WDR1: variants seen among roughly 807,000 people sequenced by gnomAD.
WDR1 encodes WD repeat domain 1.
A neutral mutation model predicts 71.9 loss-of-function variants in WDR1; 21 were observed. That is an observed-to-expected ratio of 0.29 (90% CI 0.21 to 0.42). The LOEUF is 0.42. Ranked by LOEUF, WDR1 falls within the 10% of genes least tolerant of loss-of-function variation. The pLI is 1.00. For synonymous variants in WDR1, 424 were observed against 347.4 expected (o/e 1.22, Z -2.45); for missense variants, 696 against 824.5 (o/e 0.84, Z 1.91).
At chr4:10,085,739 T>C (rs1765183997) in intron 8 of WDR1, among the ~76,000 whole-genome samples, 1 of 152,218 alleles carries the variant, frequency 6.6e-6, no homozygotes, top group Non-Finnish European at 1.5e-5. Context: ...TCTGGGGGCG[T>C]CAGCAGCCAG....
intron 5 of WDR1, among the ~76,000 whole-genome samples, chr4:10,089,843 T>C (rs948304602): frequency 2.0e-5 from 3 of 152,238 alleles, no homozygotes; most frequent in Non-Finnish European, 2.9e-5. Context: ...GATTGTGTAA[T>C]GTTTTCAGTT....
chr4:10,089,823 G>A (rs1711848198), intron 5 of WDR1, among the ~76,000 whole-genome samples: 1 of 152,230 alleles, frequency 6.6e-6, no homozygotes, highest in South Asian at 2.1e-4. Flanking sequence ...TGGGGGACCT[G>A]CCTGTGTTTG....
chr4:10,107,421 C>G (rs576185380), intron 2 of WDR1, among the ~76,000 whole-genome samples: 1 of 152,314 alleles, frequency 6.6e-6, no homozygotes, highest in African/African-American at 2.4e-5. Flanking sequence ...CGGTAGTCTT[C>G]AAATCCCGAC....
chr4:10,094,998 T>G (rs1712238344), intron 5 of WDR1: 1 of 152,306 alleles, frequency 6.6e-6, no homozygotes, highest in South Asian at 2.1e-4. Context: ...CCTGGGTAAC[T>G]AGGGAAGCAC....
At chr4:10,110,246 C>A (rs544956964) in intron 2 of WDR1, among the ~76,000 whole-genome samples, 1 of 152,172 alleles carries the variant, frequency 6.6e-6, no homozygotes, top group African/African-American at 2.4e-5. Flanking sequence ...ATCACTGAGA[C>A]GGCGAAGAGA....
chr4:10,115,228 T>A (rs12501855), intron 2 of WDR1, among the ~76,000 whole-genome samples: 1 of 152,052 alleles, frequency 6.6e-6, no homozygotes, highest in Non-Finnish European at 1.5e-5. Context: ...TCACTCAGGC[T>A]GAGGAAGGGA....
chr4:10,087,655 G>A, intron 8 of WDR1, 52 bp downstream of exon 8: 1 of 1,502,532 alleles, frequency 6.7e-7, no homozygotes, highest in Non-Finnish European at 8.9e-7. Flanking sequence ...GGCCACTCTG[G>A]TCTCTTCCCT....
chr4:10,103,802 C>CCCCCCCCCCCA, intron 3 of WDR1, 94 bp downstream of exon 3: 2 of 710,064 alleles, frequency 2.8e-6, no homozygotes, highest in Non-Finnish European at 2.2e-6. Flanking sequence ...TCCCTCCTCC[C>CCCCCCCCCCCA]ACTCTCCCAA....
At chr4:10,100,768 G>C (rs538143178) in intron 3 of WDR1, among the ~76,000 whole-genome samples, 3 of 152,354 alleles carry the variant, frequency 2.0e-5, no homozygotes, top group South Asian at 2.1e-4. Flanking sequence ...AACAGGCCGG[G>C]GGGGAAGAAG....
intron 2 of WDR1, among the ~76,000 whole-genome samples, chr4:10,109,675 G>C (rs995062304): frequency 6.6e-6 from 1 of 152,202 alleles, no homozygotes; most frequent in Non-Finnish European, 1.5e-5. Flanking sequence ...CGTGTGAGCG[G>C]GACACCACCA....
chr4:10,093,073 G>A (rs778548652), intron 5 of WDR1: 2 of 1,289,346 alleles, frequency 1.6e-6, no homozygotes, highest in South Asian at 1.2e-5. Flanking sequence ...GAAGCACTGA[G>A]GTCATAATTA....
chr4:10,085,067 C>G (rs891234957), intron 8 of WDR1, among the ~76,000 whole-genome samples: 1 of 152,222 alleles, frequency 6.6e-6, no homozygotes, highest in African/African-American at 2.4e-5. Flanking sequence ...ACGCTCCTAC[C>G]CTAACCTCCC....
At chr4:10,115,551 C>T (rs954159091) in intron 2 of WDR1, among the ~76,000 whole-genome samples, 4 of 152,208 alleles carry the variant, frequency 2.6e-5, no homozygotes, top group Non-Finnish European at 4.4e-5. Flanking sequence ...TTCCATTCAG[C>T]AAGGGCTCAA....
Position 10,077,943 on chromosome 4 carries a change from G to A in WDR1, c.1396-17C>T. The A allele has an allele frequency of 6.3e-7, 1 of 1,590,028 alleles. No homozygotes were observed. The highest frequency in any genetic ancestry group is 8.6e-7 in the Non-Finnish European group (1 of 1,166,058). ...GTTGCCGTCCTACGGCAGGGACAGA[G>A]AGGAAGTGAGCCACCCCTGAACACA... On this transcript the variant is annotated splice_polypyrimidine_tract_variant and intron_variant, in intron 12 of 14. Coordinates refer to ENST00000499869, the MANE Select transcript of WDR1 (RefSeq NM_017491.5).
At chr4:10,093,156 AC>A (rs760411418) in intron 5 of WDR1, 4 of 1,289,284 alleles carry the variant, frequency 3.1e-6, no homozygotes, top group Non-Finnish European at 4.0e-6. Context: ...TCCAGCACAC[AC>A]ATGCTCACTA....
intron 2 of WDR1, among the ~76,000 whole-genome samples, chr4:10,106,814 G>A (rs1007327631): frequency 6.6e-6 from 1 of 152,088 alleles, no homozygotes; most frequent in Non-Finnish European, 1.5e-5. Flanking sequence ...CTGAGTCAGA[G>A]CAGCCTCCTC....
At chr4:10,088,817 A>C in intron 5 of WDR1, 76 bp from the exon 6 acceptor site, 1 of 1,142,156 alleles carries the variant, frequency 8.8e-7, no homozygotes, top group Non-Finnish European at 1.3e-6. Flanking sequence ...TCTATGAAAC[A>C]CAGCTTGCAG....
At chr4:10,089,498 CG>C (rs1313348776) in intron 5 of WDR1, among the ~76,000 whole-genome samples, 4 of 147,692 alleles carry the variant, frequency 2.7e-5, no homozygotes, top group Non-Finnish European at 6.2e-5. Flanking sequence ...CTTCCAGGGG[CG>C]ACTCTGTTAC....
intron 14 of WDR1, chr4:10,076,805 A>G (rs1307485359): frequency 4.5e-5 from 7 of 156,044 alleles, no homozygotes; most frequent in African/African-American, 1.7e-4. Context: ...TGGACAACAC[A>G]GAGCTGCCTT....
Sources: allele counts gnomAD v4.1 joint callset (sites outside exome capture counted in the v4.1 genomes callset), GRCh38; gene constraint gnomAD v4.1.1; transcripts MANE v1.5; gene names NCBI Gene and HGNC (gene_info 2026-07-23, HGNC 2026-07-21).